APBB2: variants seen among roughly 807,000 people sequenced by gnomAD.
The protein encoded by APBB2 is Fe65-like 1.
APBB2 carries 38 observed loss-of-function variants against 82.5 expected under a neutral mutation model. That is an observed-to-expected ratio of 0.46 (90% CI 0.36 to 0.60). The LOEUF is 0.60. Ranked by LOEUF, APBB2 falls within the 20% of genes least tolerant of loss-of-function variation. The pLI is 0.00. For missense variants in APBB2, 772 were observed against 972.3 expected (o/e 0.79, Z 2.74); for synonymous variants, 341 against 368.2 (o/e 0.93, Z 0.85).
chr4:41,171,038 G>C (rs1768092402), intron 1 of APBB2, among the ~76,000 whole-genome samples: 1 of 152,176 alleles, frequency 6.6e-6, no homozygotes, highest in Non-Finnish European at 1.5e-5. Context: ...GGCCCTTATG[G>C]AGATCTAACC....
intron 10 of APBB2, among the ~76,000 whole-genome samples, chr4:40,913,949 AAGGGGGC>A: frequency 6.6e-6 from 1 of 152,096 alleles, no homozygotes; most frequent in Admixed American, 6.6e-5. Flanking sequence ...TACACTAAAT[AAGGGGGC>A]TGGGTGTGGT....
At chr4:40,983,117 A>G (rs1271018146) in intron 6 of APBB2, among the ~76,000 whole-genome samples, 1 of 152,228 alleles carries the variant, frequency 6.6e-6, no homozygotes, top group African/African-American at 2.4e-5. Context: ...CTTCATGTCT[A>G]TTACTCATTT....
intron 1 of APBB2, among the ~76,000 whole-genome samples, chr4:41,192,299 A>C (rs1774672936): frequency 6.6e-6 from 1 of 152,218 alleles, no homozygotes; most frequent in South Asian, 2.1e-4. Flanking sequence ...CATATACCCA[A>C]AGGAAATGAA....
chr4:40,841,944 T>G (rs1755945647), intron 12 of APBB2, among the ~76,000 whole-genome samples: 1 of 152,192 alleles, frequency 6.6e-6, no homozygotes. Flanking sequence ...CCTCCCAAAG[T>G]GTTAGGATTA....
chr4:41,121,694 A>G (rs1402126862), intron 2 of APBB2, among the ~76,000 whole-genome samples: 1 of 151,996 alleles, frequency 6.6e-6, no homozygotes, highest in Non-Finnish European at 1.5e-5. Flanking sequence ...CTTTCCCACC[A>G]TATTCCCTGG....
At chr4:40,852,180 T>A (rs1759679210) in intron 12 of APBB2, among the ~76,000 whole-genome samples, 1 of 149,906 alleles carries the variant, frequency 6.7e-6, no homozygotes, top group Middle Eastern at 3.4e-3. Flanking sequence ...TGAAACCCCG[T>A]CTCTACTAAA....
intron 5 of APBB2, among the ~76,000 whole-genome samples, chr4:41,024,516 T>C (rs892216109): frequency 4.6e-5 from 7 of 152,200 alleles, no homozygotes; most frequent in Admixed American, 2.6e-4. Flanking sequence ...ACAAGCCTTC[T>C]ATATTAGGGT....
In APBB2 at chr4:41,163,557, A is replaced by G. The variant is rs143115646; in HGVS notation, c.-416-20415T>C. On this transcript the variant is annotated intron_variant, in intron 1 of 17. Transcript: ENST00000508593. ...CTTAAGGAAAAGAAAAATTATCCCT[A>G]TAGTTCCTCAAGAAAATATATACAC... is the stretch of plus-strand genomic sequence containing the variant. Among the ~76,000 whole-genome samples, 390 of 152,360 alleles carry G rather than the reference A, an allele frequency of 2.6e-3. 1 individual carries two copies. Among genetic ancestry groups the G allele is most frequent in the Middle Eastern group, 0.014 (4 of 294 alleles).
At chr4:40,938,624 C>T (rs1785992576) in intron 7 of APBB2, among the ~76,000 whole-genome samples, 1 of 152,112 alleles carries the variant, frequency 6.6e-6, no homozygotes, top group Non-Finnish European at 1.5e-5. Context: ...TATGTCCCTA[C>T]CAGGGGACTT....
At chr4:40,958,834 G>A (rs1451036334) in intron 6 of APBB2, among the ~76,000 whole-genome samples, 6 of 152,202 alleles carry the variant, frequency 3.9e-5, no homozygotes, top group Non-Finnish European at 8.8e-5. Context: ...TTGAACTCCT[G>A]ACCTCAAGTG....
intron 6 of APBB2, among the ~76,000 whole-genome samples, chr4:40,989,340 G>A (rs1266944488): frequency 3.9e-5 from 6 of 152,060 alleles, no homozygotes; most frequent in Non-Finnish European, 8.8e-5. Context: ...AGAGGTAGAT[G>A]CCTCCTCTGC....
intron 2 of APBB2, among the ~76,000 whole-genome samples, chr4:41,106,275 T>C (rs1239324278): frequency 2.6e-5 from 4 of 152,206 alleles, no homozygotes; most frequent in African/African-American, 7.2e-5. Flanking sequence ...TCTTTGGCAC[T>C]ATCTCATTTC....
chr4:40,962,077 A>G (rs561677094), intron 6 of APBB2, among the ~76,000 whole-genome samples: 13 of 152,322 alleles, frequency 8.5e-5, no homozygotes, highest in Admixed American at 3.9e-4. Context: ...AAAACCAATT[A>G]GCTGCCACAC....
chr4:41,066,471 T>G (rs1242863389), intron 3 of APBB2, among the ~76,000 whole-genome samples: 1 of 152,096 alleles, frequency 6.6e-6, no homozygotes, highest in Non-Finnish European at 1.5e-5. Flanking sequence ...GAAAGTGAAG[T>G]CTAGGGGAGG....
intron 1 of APBB2, among the ~76,000 whole-genome samples, chr4:41,212,840 G>A (rs904069242): frequency 2.0e-5 from 3 of 152,118 alleles, no homozygotes; most frequent in African/African-American, 7.2e-5. Flanking sequence ...CCCCATTCTC[G>A]CCACAAATAC....
At chr4:40,860,902 T>C (rs1762596520) in intron 12 of APBB2, among the ~76,000 whole-genome samples, 1 of 152,130 alleles carries the variant, frequency 6.6e-6, no homozygotes, top group South Asian at 2.1e-4. Flanking sequence ...ACAAATGCCA[T>C]CTCTCCCATG....
chr4:40,989,947 A>G (rs1231305571), intron 6 of APBB2, among the ~76,000 whole-genome samples: 2 of 152,292 alleles, frequency 1.3e-5, no homozygotes, highest in African/African-American at 4.8e-5. Context: ...AAAGAAGAAA[A>G]CTAAAGAGTA....
chr4:40,992,698 C>T (rs188188803), intron 6 of APBB2, among the ~76,000 whole-genome samples: 107 of 152,194 alleles, frequency 7.0e-4, no homozygotes, highest in African/African-American at 2.4e-3. Flanking sequence ...ATGAAGCCAG[C>T]GAGCAGGAGT....
At chr4:40,935,164 GA>G in intron 7 of APBB2, 25 bp from the exon 8 acceptor site, 1 of 1,372,962 alleles carries the variant, frequency 7.3e-7, no homozygotes, top group Non-Finnish European at 9.7e-7. Context: ...ATTCACATAG[GA>G]AAAAAGCACA....
Sources: gnomAD v4.1 joint callset for allele counts (sites outside exome capture counted in the v4.1 genomes callset) on GRCh38, gnomAD v4.1.1 for gene constraint, MANE v1.5 for transcripts, NCBI Gene and HGNC (gene_info 2026-07-23, HGNC 2026-07-21) for gene names.